Variants in SEZ6L observed in about 807,000 individuals in gnomAD.
SEZ6L encodes the protein seizure related 6 homolog like.
Under a neutral mutation model 106.2 loss-of-function variants are expected in SEZ6L, and 37 were observed. That is an observed-to-expected ratio of 0.35 (90% CI 0.27 to 0.46). The LOEUF (loss-of-function observed/expected upper bound fraction) is 0.46, where lower values mean the gene tolerates loss of function less well. Ranked by LOEUF, SEZ6L falls within the 20% of genes least tolerant of loss-of-function variation. SEZ6L has a pLI of 1.00. For synonymous variants in SEZ6L, 541 were observed against 570.4 expected (o/e 0.95, Z 0.73); for missense variants, 1,172 against 1,332.8 (o/e 0.88, Z 1.88).
At chr22:26,237,042 A>C (rs968349450) in intron 1 of SEZ6L, among the ~76,000 whole-genome samples, 1 of 152,150 alleles carries the variant, frequency 6.6e-6, no homozygotes, top group Admixed American at 6.6e-5. Context: ...GCTGCCAGGG[A>C]GTCCTAGGCA....
chr22:26,181,306 C>G (rs541697332), intron 1 of SEZ6L, among the ~76,000 whole-genome samples: 2 of 152,164 alleles, frequency 1.3e-5, no homozygotes, highest in African/African-American at 4.8e-5. Flanking sequence ...ACTTTTCATT[C>G]CCTAAGGACT....
chr22:26,203,140 G>T lies in SEZ6L; in HGVS notation c.94+33377G>T, dbSNP rs5761400. ...TCATTCATGAATCATCAGGGTGTCA[G>T]TGTCTAGAACATCTCTCTAGGTCCT... On this transcript the variant is annotated intron_variant, in intron 1 of 16. Coordinates refer to ENST00000248933, the MANE Select transcript of SEZ6L (RefSeq NM_021115.5). Among the ~76,000 whole-genome samples the T allele has an allele frequency of 3.3e-3, 497 of 152,322 alleles. 11 individuals are homozygous for T. In the South Asian group the frequency reaches 0.064, roughly 20 times the overall value.
At position 26,374,085 on chromosome 22, in the gene SEZ6L, C is replaced by T. The variant is rs190646937; in HGVS notation, c.2827+602C>T. On this transcript the variant is annotated intron_variant, in intron 14 of 16. Transcript: ENST00000248933. Reference sequence around the variant, plus strand: ...GGTTCCTTCCCTTTCCAACCCCTCCCGTGTGTAAAATGTCCAGCGTTCTAT... The same window carrying T: ...GGTTCCTTCCCTTTCCAACCCCTCCTGTGTGTAAAATGTCCAGCGTTCTAT... 2.1e-3 allele frequency among the ~76,000 whole-genome samples: 312 copies of T among 152,104 alleles called. 1 individual carries two copies. Among genetic ancestry groups the T allele is most frequent in the Middle Eastern group, 3.4e-3 (1 of 294 alleles).
rs963548218 is a variant in SEZ6L, at chr22:26,288,529, T to C, written c.95-3877T>C. ...AATACCCCATATTTCTTAAAAGAGC[T>C]AGTAGCATGATCTTTGGGGTCATAA... On this transcript the variant is annotated intron_variant, in intron 1 of 16. Transcript: ENST00000248933. Among the ~76,000 whole-genome samples, 4 of 152,190 alleles carry C rather than the reference T, an allele frequency of 2.6e-5. No homozygotes were observed. The South Asian group carries it at 8.3e-4, about 32-fold the overall frequency.
intron 1 of SEZ6L, among the ~76,000 whole-genome samples, chr22:26,223,494 T>C (rs1053491496): frequency 2.6e-5 from 4 of 152,188 alleles, no homozygotes; most frequent in Admixed American, 1.3e-4. Flanking sequence ...TTGTGGCTCC[T>C]CAGCCTCCCC....
In SEZ6L at chr22:26,183,432, A is replaced by G. The variant is rs528962437; in HGVS notation, c.94+13669A>G. Among the ~76,000 whole-genome samples the G allele has an allele frequency of 8.3e-4, 126 of 152,298 alleles. 1 individual carries two copies. The highest frequency in any genetic ancestry group is 1.3e-3 in the Non-Finnish European group (86 of 68,022). On this transcript the variant is annotated intron_variant, in intron 1 of 16. Transcript: ENST00000248933. ...TCCGGGCAGGGGGCAACTTTCTCCA[A>G]GGGACCAGGGTTGGGAGCCATGAAT... is the stretch of plus-strand genomic sequence containing the variant.
intron 1 of SEZ6L, among the ~76,000 whole-genome samples, chr22:26,183,929 G>A (rs1389439381): frequency 6.6e-6 from 1 of 152,108 alleles, no homozygotes; most frequent in Non-Finnish European, 1.5e-5. Flanking sequence ...CTTATGCTTA[G>A]CACGTGGCAA....
intron 1 of SEZ6L, chr22:26,244,610 G>T (rs988512287): frequency 6.6e-6 from 1 of 152,268 alleles, no homozygotes; most frequent in Non-Finnish European, 1.5e-5. Flanking sequence ...GTTGAGGTGT[G>T]CACCTACCTG....
intron 1 of SEZ6L, among the ~76,000 whole-genome samples, chr22:26,250,268 A>G (rs1196805318): frequency 6.6e-6 from 1 of 151,508 alleles, no homozygotes; most frequent in East Asian, 1.9e-4. Context: ...TGTTTCCCCT[A>G]TGTTTTCATC....
chr22:26,264,540 T>C (rs2080115807), intron 1 of SEZ6L, among the ~76,000 whole-genome samples: 1 of 152,336 alleles, frequency 6.6e-6, no homozygotes, highest in South Asian at 2.1e-4. Context: ...AAATACATGG[T>C]AATATCATAT....
intron 1 of SEZ6L, among the ~76,000 whole-genome samples, chr22:26,261,051 A>G (rs7288314): frequency 0.34 from 50,804 of 150,884 alleles, 8,830 homozygotes; most frequent in African/African-American, 0.43. Context: ...TTATCTATTC[A>G]TGTCCTTAGC....
intron 1 of SEZ6L, among the ~76,000 whole-genome samples, chr22:26,238,644 C>A (rs1006364500): frequency 6.6e-6 from 1 of 152,206 alleles, no homozygotes; most frequent in Non-Finnish European, 1.5e-5. Context: ...TGGGCACCAA[C>A]AATAAGCCAG....
intron 1 of SEZ6L, among the ~76,000 whole-genome samples, chr22:26,277,781 G>A (rs1430367084): frequency 6.6e-6 from 1 of 152,176 alleles, no homozygotes; most frequent in Non-Finnish European, 1.5e-5. Flanking sequence ...CCACAGAATG[G>A]GCTCTGGGGA....
chr22:26,294,092 A>G (rs1017800050), intron 2 of SEZ6L, among the ~76,000 whole-genome samples, 200 bp from the exon 3 acceptor site: 1 of 152,200 alleles, frequency 6.6e-6, no homozygotes, highest in Admixed American at 6.5e-5. Context: ...GCCTAGCAGG[A>G]TATAGTAAGT....
intron 9 of SEZ6L, among the ~76,000 whole-genome samples, chr22:26,320,412 G>A (rs562976351): frequency 5.3e-4 from 81 of 152,362 alleles, no homozygotes; most frequent in African/African-American, 1.8e-3. Flanking sequence ...CTTGCGTTAG[G>A]ACAAGCAGCC....
intron 1 of SEZ6L, among the ~76,000 whole-genome samples, chr22:26,197,235 A>G (rs531789793): frequency 1.7e-4 from 26 of 151,946 alleles, no homozygotes; most frequent in African/African-American, 3.6e-4. Context: ...GGCACTTACT[A>G]TCTTGTTCCC....
At chr22:26,359,507 G>A (rs1024934527) in intron 12 of SEZ6L, among the ~76,000 whole-genome samples, 1 of 152,158 alleles carries the variant, frequency 6.6e-6, no homozygotes, top group Non-Finnish European at 1.5e-5. Flanking sequence ...GATACAAAAT[G>A]GAGATGATGA....
chr22:26,340,737 T>C, intron 10 of SEZ6L, 105 bp downstream of exon 10: 2 of 911,454 alleles, frequency 2.2e-6, no homozygotes, highest in South Asian at 1.8e-5. Flanking sequence ...CGATTTTTCA[T>C]TGTATTGTAT....
chr22:26,352,743 A>G (rs1228767560), intron 12 of SEZ6L, among the ~76,000 whole-genome samples: 1 of 152,250 alleles, frequency 6.6e-6, no homozygotes, highest in East Asian at 1.9e-4. Context: ...AGAATGGCGC[A>G]TGCATTAACT....
Sources: gnomAD v4.1 joint callset for allele counts (sites outside exome capture counted in the v4.1 genomes callset) on GRCh38, gnomAD v4.1.1 for gene constraint, MANE v1.5 for transcripts, NCBI Gene and HGNC (gene_info 2026-07-23, HGNC 2026-07-21) for gene names.